SYDE1: variants seen among roughly 807,000 people sequenced by gnomAD.
SYDE1 encodes the protein synapse defective Rho GTPase activating protein 1.
In SYDE1, 34 loss-of-function variants were observed where a neutral mutation model predicts 63.3. That is an observed-to-expected ratio of 0.54 (90% CI 0.41 to 0.71). The LOEUF is 0.71. Among genes scored for constraint, SYDE1 ranks in the 30% least tolerant of loss-of-function variants. SYDE1 has a pLI of 0.00. For synonymous variants in SYDE1, 467 were observed against 473.4 expected, an observed-to-expected ratio of 0.99 and a Z score of 0.18; for missense variants, 925 against 1,042.5, an observed-to-expected ratio of 0.89 and a Z score of 1.55.
intron 7 of SYDE1, among the ~76,000 whole-genome samples, chr19:15,113,319 G>A (rs575744813): frequency 2.1e-4 from 32 of 152,326 alleles, no homozygotes; most frequent in Admixed American, 1.8e-3. Context: ...GGGATTACAG[G>A]CATGATCCAG....
chr19:15,109,748 TC>T lies in SYDE1; in HGVS notation c.479del (p.Pro160ArgfsTer9), dbSNP rs1335872630. ...SPPTKASRTK[S>X]PGPARRLSIK... ...CCCAACCAAAGCCTCCCGCACCAAG[TC>T]CCCGGGCCCCGCCAGGCGCCTCTCC... On this transcript the variant is annotated frameshift_variant, in exon 3 of 8. Coordinates refer to ENST00000342784, the MANE Select transcript of SYDE1 (RefSeq NM_033025.6). LOFTEE classifies it high-confidence loss of function. The surrounding 1 kb of genome is among the most constrained non-coding windows in gnomAD (Gnocchi z 5.0). 4 of 1,532,334 alleles carry T rather than the reference TC, an allele frequency of 2.6e-6. No individual in the cohort carries two copies. Among genetic ancestry groups the T allele is most frequent in the East Asian group, 2.5e-5 (1 of 40,694 alleles). 94.9% of individuals were successfully genotyped at this position (1,532,334 alleles called of 1,614,324 possible).
rs10424885 is a variant in SYDE1 at position 15,110,983 on chromosome 19, C to T, written c.1290+248C>T. On this transcript the variant is annotated intron_variant, in intron 4 of 7. Coordinates refer to ENST00000342784, the MANE Select transcript of SYDE1 (RefSeq NM_033025.6). The surrounding 1 kb of genome is among the most constrained non-coding windows in gnomAD (Gnocchi z 6.9). ...TCAGAGTCTGATGGGGGAAAAGATA[C>T]GACTCTAGTCATTCACAAATGTAAA... Among the ~76,000 whole-genome samples, 6 of 152,230 alleles carry T rather than the reference C, an allele frequency of 3.9e-5. No individual in the cohort carries two copies. Among genetic ancestry groups the T allele is most frequent in the Non-Finnish European group, 7.4e-5 (5 of 68,020 alleles).
At chr19:15,107,711 C>A (rs2046316465) in intron 1 of SYDE1, among the ~76,000 whole-genome samples, 190 bp downstream of exon 1, 1 of 150,590 alleles carries the variant, frequency 6.6e-6, no homozygotes, top group Non-Finnish European at 1.5e-5. Context: ...GAGGGGGGCG[C>A]GGACCGTTAT....
rs772069800 is a variant in SYDE1, at chr19:15,109,275, C to T, written c.308C>T (p.Thr103Ile). 1.9e-6 allele frequency: 3 copies of T among 1,611,638 alleles called. No individual in the cohort carries two copies. The highest frequency in any genetic ancestry group is 2.5e-6 in the Non-Finnish European group (3 of 1,179,024). Residue 103 changes from threonine to isoleucine, a missense_variant, in exon 2 of 8, where the codon ACT becomes ATT. Physicochemically the swap from Thr to Ile is moderately conservative, Grantham distance 89. Transcript: ENST00000342784. This position sits in a 1 kb window ranked among gnomAD's most constrained non-coding sequence, Gnocchi z 5.0. The stretch of plus-strand genomic sequence containing the variant: ...TCTTTAGGGCCTGGGGTACCTGGCA[C>T]TGGGGAGCCCGCCGGCGAGATCTGG... ...DTSLGPGVPG[T>I]GEPAGEIWYN...
Position 15,107,784 on chromosome 19 carries a change from C to T in SYDE1, c.88+263C>T, listed in dbSNP as rs560037720. Among the ~76,000 whole-genome samples, 125 of 151,904 alleles carry T rather than the reference C, an allele frequency of 8.2e-4. No individual in the cohort carries two copies. The Middle Eastern group carries it at 0.01, about 12-fold the overall frequency. ...TGGGAGGCCCGGGAGGGGGCCTCGC[C>T]CACGACAGGAAATGGGGCCGCGACT... is the stretch of plus-strand genomic sequence containing the variant. On this transcript the variant is annotated intron_variant, in intron 1 of 7. Coordinates refer to ENST00000342784, the MANE Select transcript of SYDE1 (RefSeq NM_033025.6).
chr19:15,111,687 G>C lies in SYDE1; in HGVS notation c.1473G>C (p.Leu491=). 6.2e-7 allele frequency: 1 copy of C among 1,613,542 alleles called. No homozygotes were observed. The highest frequency in any genetic ancestry group is 8.5e-7 in the Non-Finnish European group (1 of 1,179,720). The change falls in exon 6 of 8, where the codon CTG becomes CTC. Residue 491 remains leucine, a synonymous_variant. Transcript: ENST00000342784. The surrounding 1 kb of genome is among the most constrained non-coding windows in gnomAD (Gnocchi z 5.5). The part of the protein sequence containing the change: ...ELPTPLITQP[L]YKVVLEAMAR... ...CCACCCCACTCATCACCCAGCCCCT[G>C]TATAAGGTGGTACTGGAGGCCATGG...
In SYDE1 at chr19:15,107,535, G is replaced by C. The variant is rs1412760926; in HGVS notation, c.88+14G>C. The C allele has an allele frequency of 6.5e-6, 10 of 1,534,172 alleles. No homozygotes were observed. The Admixed American group carries it at 9.9e-5, about 15-fold the overall frequency. On this transcript the variant is annotated intron_variant, in intron 1 of 7. Coordinates refer to ENST00000342784, the MANE Select transcript of SYDE1 (RefSeq NM_033025.6). ...CCAAGGAGCGCGGTAAGCGGAGATCGGTGGGGAACAGGGGGCGCCGAGCCC... is the reference window on the plus strand; with the variant it reads ...CCAAGGAGCGCGGTAAGCGGAGATCCGTGGGGAACAGGGGGCGCCGAGCCC...
In SYDE1 at chr19:15,114,151, C is replaced by G. The variant is rs1041194546; in HGVS notation, c.*188C>G. The G allele has an allele frequency of 1.7e-6, 1 of 600,602 alleles. No individual in the cohort carries two copies. The highest frequency in any genetic ancestry group is 1.9e-5 in the African/African-American group (1 of 53,510). The allele number at this position is 600,602 out of a possible 1,614,324, so 37.2% of individuals were successfully genotyped here. ...CAGTTTCCAGGGCCCGGTATTTGGA[C>G]ACTAGTTGCCAAGTCTGGGGCCTGG... is the stretch of plus-strand genomic sequence containing the variant. On this transcript the variant is annotated 3_prime_UTR_variant, in exon 8 of 8. Coordinates refer to ENST00000342784, the MANE Select transcript of SYDE1 (RefSeq NM_033025.6).
At position 15,108,837 on chromosome 19, in the gene SYDE1, G is replaced by T; in HGVS notation, c.89-219G>T. 1 of 588,266 alleles carries T rather than the reference G, an allele frequency of 1.7e-6. No homozygotes were observed. Among genetic ancestry groups the T allele is most frequent in the Non-Finnish European group, 2.6e-6 (1 of 384,914 alleles). 36.4% of individuals were successfully genotyped at this position (588,266 alleles called of 1,614,324 possible). The stretch of plus-strand genomic sequence containing the variant: ...GGCTGCAGGGATGGAGTCCCCTTTT[G>T]GGATGCCAGGGACTGAGTAGGGGGT... On this transcript the variant is annotated intron_variant, in intron 1 of 7. Transcript: ENST00000342784. The surrounding 1 kb of genome is among the most constrained non-coding windows in gnomAD (Gnocchi z 4.3).
At position 15,113,669 on chromosome 19, in the gene SYDE1, C is replaced by T; in HGVS notation, c.1914C>T (p.Arg638=). The T allele has an allele frequency of 6.2e-7, 1 of 1,613,188 alleles. No homozygotes were observed. Among genetic ancestry groups the T allele is most frequent in the Non-Finnish European group, 8.5e-7 (1 of 1,179,774 alleles). ...ACCCCGAAGTGGTGACTCGGCCCCG[C>T]GGTCGAGGAGGCCCCGAAAGCCCCC... The part of the protein sequence containing the change: ...LADPEVVTRP[R]GRGGPESPPS... The change falls in exon 8 of 8, where the codon CGC becomes CGT. Residue 638 remains arginine, a synonymous_variant. Transcript: ENST00000342784.
Position 15,114,037 on chromosome 19 carries a change from A to T in SYDE1, c.*74A>T. On this transcript the variant is annotated 3_prime_UTR_variant, in exon 8 of 8. Coordinates refer to ENST00000342784, the MANE Select transcript of SYDE1 (RefSeq NM_033025.6). ...GGCTAAGGCGGTGCCCTGGTGACCA[A>T]GGAGAGCCAGACCTGTTGCTCAGGC... 1 of 1,460,436 alleles carries T rather than the reference A, an allele frequency of 6.8e-7. No homozygotes were observed. The highest frequency in any genetic ancestry group is 2.3e-5 in the East Asian group (1 of 43,902). 90.5% of individuals were successfully genotyped at this position (1,460,436 alleles called of 1,614,324 possible).
In SYDE1 at chr19:15,110,661, C is replaced by G; in HGVS notation, c.1216C>G (p.Arg406Gly). Residue 406 changes from arginine to glycine, a missense_variant, in exon 4 of 8, where the codon CGG (arginine) becomes GGG (glycine). Physicochemically the swap from Arg to Gly is moderately radical, Grantham distance 125. Transcript: ENST00000342784. The surrounding 1 kb of genome is among the most constrained non-coding windows in gnomAD (Gnocchi z 6.9). ...GCTGCCCCTGCCACTGCTGGTGGAG[C>G]GGGAGCGGCCCCCCGGCCAGGTGCC... is the stretch of plus-strand genomic sequence containing the variant. ...FGLPLPLLVERERPPGQVPLI... is the reference protein window; with the variant it reads ...FGLPLPLLVEGERPPGQVPLI... 2 of 1,585,780 alleles carry G rather than the reference C, an allele frequency of 1.3e-6. No homozygotes were observed.
Position 15,111,886 on chromosome 19 carries a change from T to G in SYDE1, c.1578+94T>G, listed in dbSNP as rs2046348179. On this transcript the variant is annotated intron_variant, in intron 6 of 7. Coordinates refer to ENST00000342784, the MANE Select transcript of SYDE1 (RefSeq NM_033025.6). The surrounding 1 kb of genome is among the most constrained non-coding windows in gnomAD (Gnocchi z 5.5). Reference sequence around the variant, plus strand: ...GCCTGGGCCTGAGATGGGCATGAGCTGGCAGCATCATCATATCCCCAAGAA... The same window carrying G: ...GCCTGGGCCTGAGATGGGCATGAGCGGGCAGCATCATCATATCCCCAAGAA... 8.0e-7 allele frequency: 1 copy of G among 1,255,206 alleles called. No homozygotes were observed. 77.8% of individuals were successfully genotyped at this position (1,255,206 alleles called of 1,614,324 possible).
In SYDE1 at chr19:15,109,725, C is replaced by G. The variant is rs866336559; in HGVS notation, c.452C>G (p.Pro151Arg). The G allele has an allele frequency of 1.2e-5, 19 of 1,522,342 alleles. No individual in the cohort carries two copies. The highest frequency in any genetic ancestry group is 1.2e-4 in the East Asian group (5 of 40,760). 94.3% of individuals were successfully genotyped at this position (1,522,342 alleles called of 1,614,324 possible). A position where few individuals can be genotyped will look rare whatever the true frequency, so the allele number is the denominator to read the frequency against. ...ACAGGTGCAGCCCCCGCCAGCCCCC[C>G]AACCAAAGCCTCCCGCACCAAGTCC... ...APQGAAPASP[P>R]TKASRTKSPG... The change falls in exon 3 of 8, where the codon CCA (proline) becomes CGA (arginine). Residue 151 changes from proline to arginine, a missense_variant. Pro to Arg is a moderately radical substitution (Grantham distance 103). Coordinates refer to ENST00000342784, the MANE Select transcript of SYDE1 (RefSeq NM_033025.6). This position sits in a 1 kb window ranked among gnomAD's most constrained non-coding sequence, Gnocchi z 5.0.
Position 15,112,255 on chromosome 19 carries a change from GC to G in SYDE1, c.1579-90del, listed in dbSNP as rs577051664. The G allele has an allele frequency of 4.8e-4, 381 of 791,958 alleles. 1 individual carries two copies. In the African/African-American group the frequency reaches 5.0e-3, roughly 10 times the overall value. The allele number at this position is 791,958 out of a possible 1,614,324, so 49.1% of individuals were successfully genotyped here. A position where few individuals can be genotyped will look rare whatever the true frequency, so the allele number is the denominator to read the frequency against. On this transcript the variant is annotated intron_variant, in intron 6 of 7. Coordinates refer to ENST00000342784, the MANE Select transcript of SYDE1 (RefSeq NM_033025.6). ...ATCCCAGCTATGAGACTGTGAACCTGCTTCCCTACTCTAGCCACCTTAGTCT... is the reference window on the plus strand; with the variant it reads ...ATCCCAGCTATGAGACTGTGAACCTGTTCCCTACTCTAGCCACCTTAGTCT...
chr19:15,107,515 G>C lies in SYDE1; in HGVS notation c.82G>C (p.Glu28Gln). 14 of 1,543,826 alleles carry C rather than the reference G, an allele frequency of 9.1e-6. No individual in the cohort carries two copies. Among genetic ancestry groups the C allele is most frequent in the Non-Finnish European group, 1.1e-5 (13 of 1,141,946 alleles). The change falls in exon 1 of 8, where the codon GAG becomes CAG. Residue 28 changes from glutamate (E) to glutamine (Q), a missense_variant. Coordinates refer to ENST00000342784, the MANE Select transcript of SYDE1 (RefSeq NM_033025.6). ...KLPRKKSDAK[E>Q]RGHPAQRPEP... Reference sequence around the variant, plus strand: ...TCCCCGGAAAAAGTCGGACGCCAAGGAGCGCGGTAAGCGGAGATCGGTGGG... The same window carrying C: ...TCCCCGGAAAAAGTCGGACGCCAAGCAGCGCGGTAAGCGGAGATCGGTGGG...
chr19:15,110,497 G>A lies in SYDE1; in HGVS notation c.1076-24G>A, dbSNP rs866053980. 1.9e-6 allele frequency: 3 copies of A among 1,548,290 alleles called. No individual in the cohort carries two copies. The highest frequency in any genetic ancestry group is 2.4e-5 in the South Asian group (2 of 84,690). On this transcript the variant is annotated intron_variant, in intron 3 of 7. Transcript: ENST00000342784. This position sits in a 1 kb window ranked among gnomAD's most constrained non-coding sequence, Gnocchi z 6.9. ...TACATGAAGCTTCAGAGCACACCCG[G>A]CTCAGGCCCCCTTGTGTCCTCAGGG... is the stretch of plus-strand genomic sequence containing the variant.
Position 15,113,828 on chromosome 19 carries a change from CGAGCCGAGGGTCACCG to C in SYDE1, c.2075_2090del (p.Glu692ValfsTer15). On this transcript the variant is annotated frameshift_variant, in exon 8 of 8. Transcript: ENST00000342784. LOFTEE classifies it high-confidence loss of function. ...GCGAGGACGAGGACGAGGAGGTCGG[CGAGCCGAGGGTCACCG>C]GTGACTTCGAAGACGACTTCGATGC... 1 of 1,613,882 alleles carries C rather than the reference CGAGCCGAGGGTCACCG, an allele frequency of 6.2e-7. No individual in the cohort carries two copies. The highest frequency in any genetic ancestry group is 8.5e-7 in the Non-Finnish European group (1 of 1,180,030).
chr19:15,110,564 G>C lies in SYDE1; in HGVS notation c.1119G>C (p.Gly373=). 6.3e-7 allele frequency: 1 copy of C among 1,598,168 alleles called. No homozygotes were observed. The highest frequency in any genetic ancestry group is 1.1e-5 in the South Asian group (1 of 88,848). The change falls in exon 4 of 8, where the codon GGG becomes GGC. Residue 373 remains glycine, a synonymous_variant. Coordinates refer to ENST00000342784, the MANE Select transcript of SYDE1 (RefSeq NM_033025.6). The surrounding 1 kb of genome is among the most constrained non-coding windows in gnomAD (Gnocchi z 6.9). ...TGGCCGTGCGCCTGGAGCCTCAGGGGCTGCTGTATGCCAAGCTGACCCTGT... is the reference window on the plus strand; with the variant it reads ...TGGCCGTGCGCCTGGAGCCTCAGGGCCTGCTGTATGCCAAGCTGACCCTGT... ...QQLAVRLEPQ[G]LLYAKLTLSE...
Sources: allele counts gnomAD v4.1 joint callset (sites outside exome capture counted in the v4.1 genomes callset), GRCh38; gene constraint gnomAD v4.1.1; non-coding constraint Gnocchi (gnomAD v3.1); transcripts MANE v1.5; gene names NCBI Gene and HGNC (gene_info 2026-07-23, HGNC 2026-07-21).